SLC14A2: variants seen among roughly 807,000 people sequenced by gnomAD.
SLC14A2 encodes the protein urea transporter 2.
In SLC14A2, 91 loss-of-function variants were observed where a neutral mutation model predicts 104.6. The ratio of observed to expected loss-of-function variants is 0.87; its 90% CI spans 0.73 to 1.04. SLC14A2 has a LOEUF of 1.04. Ranked by LOEUF, SLC14A2 falls within the 50% of genes least tolerant of loss-of-function variation. The pLI is 0.00. For missense variants in SLC14A2, 1,189 were observed against 1,156.0 expected (o/e 1.03, Z -0.41); for synonymous variants, 476 against 466.4 (o/e 1.02, Z -0.27).
At chr18:45,458,379 T>G (rs2086982586) in intron 1 of SLC14A2, among the ~76,000 whole-genome samples, 1 of 152,162 alleles carries the variant, frequency 6.6e-6, no homozygotes, top group Non-Finnish European at 1.5e-5. Flanking sequence ...AAAGGGAAAC[T>G]GGCATCACAG....
chr18:45,343,785 A>G (rs1392687262), intron 1 of SLC14A2, among the ~76,000 whole-genome samples: 1 of 152,168 alleles, frequency 6.6e-6, no homozygotes, highest in African/African-American at 2.4e-5. Context: ...GGCCTTAGAA[A>G]TTGCAGGCAC....
At chr18:45,285,087 T>C (rs1442761734) in intron 1 of SLC14A2, among the ~76,000 whole-genome samples, 1 of 152,164 alleles carries the variant, frequency 6.6e-6, no homozygotes, top group Non-Finnish European at 1.5e-5. Flanking sequence ...CTGACCTAGC[T>C]TCCTCTAACA....
chr18:45,456,721 G>A (rs1357413932), intron 1 of SLC14A2, among the ~76,000 whole-genome samples: 2 of 150,420 alleles, frequency 1.3e-5, no homozygotes, highest in Non-Finnish European at 2.9e-5. Flanking sequence ...TTGAGAGAGT[G>A]GTGTTTTTTT....
At chr18:45,289,246 T>C (rs931959049) in intron 1 of SLC14A2, among the ~76,000 whole-genome samples, 1 of 152,126 alleles carries the variant, frequency 6.6e-6, no homozygotes, top group Non-Finnish European at 1.5e-5. Context: ...TTTTTTACCA[T>C]TTTATTTTAG....
chr18:45,682,547 A>G lies in SLC14A2; in HGVS notation c.*28A>G, dbSNP rs1275858840. On this transcript the variant is annotated 3_prime_UTR_variant, in exon 20 of 20. Coordinates refer to ENST00000255226, the MANE Select transcript of SLC14A2 (RefSeq NM_007163.4). The stretch of plus-strand genomic sequence containing the variant: ...TTCCCTGTCTAAAACACATCAGTGT[A>G]AATTCAGGCTTCAGCACGCCGTCCA... 1 of 1,589,852 alleles carries G rather than the reference A, an allele frequency of 6.3e-7. No individual in the cohort carries two copies. Among genetic ancestry groups the G allele is most frequent in the Admixed American group, 1.7e-5 (1 of 60,016 alleles).
chr18:45,652,987 T>C (rs1279156268), intron 10 of SLC14A2, among the ~76,000 whole-genome samples: 1 of 151,858 alleles, frequency 6.6e-6, no homozygotes, highest in Non-Finnish European at 1.5e-5. Context: ...CTGTTATGTC[T>C]GGAATAGGTG....
At chr18:45,594,966 C>T (rs1025696021) in intron 2 of SLC14A2, among the ~76,000 whole-genome samples, 1 of 152,162 alleles carries the variant, frequency 6.6e-6, no homozygotes, top group Non-Finnish European at 1.5e-5. Flanking sequence ...ACTTCATCCC[C>T]TTCAGAAATG....
chr18:45,381,953 A>G (rs994957341), intron 1 of SLC14A2, among the ~76,000 whole-genome samples: 16 of 152,116 alleles, frequency 1.1e-4, no homozygotes, highest in African/African-American at 3.9e-4. Context: ...CTGGGCTGAA[A>G]AACTACAACT....
chr18:45,626,656 C>T (rs574252324), intron 3 of SLC14A2, among the ~76,000 whole-genome samples: 3 of 151,700 alleles, frequency 2.0e-5, no homozygotes, highest in Admixed American at 6.6e-5. Context: ...GGAATGCTCC[C>T]GGGGCTTCTT....
intron 1 of SLC14A2, among the ~76,000 whole-genome samples, chr18:45,378,320 G>T (rs1471059595): frequency 6.6e-6 from 1 of 152,152 alleles, no homozygotes; most frequent in Non-Finnish European, 1.5e-5. Flanking sequence ...TTTTATTGAG[G>T]TCTCCAGAGT....
At chr18:45,625,904 G>A (rs377720046) in intron 3 of SLC14A2, 41 bp downstream of exon 3, 47 of 1,362,918 alleles carry the variant, frequency 3.4e-5, no homozygotes, top group Admixed American at 3.5e-5. Context: ...GACCAGGCCA[G>A]GCCAGAGAGA....
intron 1 of SLC14A2, among the ~76,000 whole-genome samples, chr18:45,221,379 G>A (rs2084060504): frequency 6.6e-6 from 1 of 152,152 alleles, no homozygotes; most frequent in African/African-American, 2.4e-5. Flanking sequence ...AAAAATCCAG[G>A]GGAAAGCCTC....
chr18:45,625,970 T>A (rs1280033278), intron 3 of SLC14A2, 107 bp downstream of exon 3: 3 of 844,764 alleles, frequency 3.6e-6, no homozygotes, highest in Non-Finnish European at 5.0e-6. Flanking sequence ...ACCCTCACCC[T>A]GGGTGGATCT....
chr18:45,209,297 C>G (rs1404094428), upstream of SLC14A2, among the ~76,000 whole-genome samples: 1 of 150,454 alleles, frequency 6.6e-6, no homozygotes, highest in African/African-American at 2.5e-5. Flanking sequence ...GAGCCGAGAT[C>G]ACACCCCTCC....
At chr18:45,463,827 G>C (rs933995754) in intron 1 of SLC14A2, among the ~76,000 whole-genome samples, 1 of 152,142 alleles carries the variant, frequency 6.6e-6, no homozygotes, top group Non-Finnish European at 1.5e-5. Flanking sequence ...TTGGCAAAAG[G>C]CTCGTTGAAC....
intron 1 of SLC14A2, among the ~76,000 whole-genome samples, chr18:45,616,625 G>C (rs1366842421): frequency 1.3e-5 from 2 of 152,216 alleles, no homozygotes; most frequent in Non-Finnish European, 1.5e-5. Flanking sequence ...ACCTGCGTTG[G>C]GGAGGGCCTG....
intron 10 of SLC14A2, among the ~76,000 whole-genome samples, chr18:45,654,281 AGG>A (rs1358030010): frequency 2.6e-5 from 4 of 150,956 alleles, no homozygotes; most frequent in African/African-American, 9.8e-5. Context: ...AGTCAGACAG[AGG>A]ATGAGCTGGA....
intron 1 of SLC14A2, among the ~76,000 whole-genome samples, chr18:45,479,841 C>A (rs1283285684): frequency 1.3e-5 from 2 of 152,170 alleles, no homozygotes; most frequent in East Asian, 3.8e-4. Flanking sequence ...GCCTCTGAGC[C>A]CCCAAAGGTC....
intron 1 of SLC14A2, among the ~76,000 whole-genome samples, chr18:45,252,792 C>CT (rs745363624): frequency 0.043 from 5,492 of 126,886 alleles, 203 homozygotes; most frequent in Middle Eastern, 0.099. Context: ...GCAATATTGA[C>CT]TTTTTTTTTT....
Sources: allele counts gnomAD v4.1 joint callset (sites outside exome capture counted in the v4.1 genomes callset), GRCh38; gene constraint gnomAD v4.1.1; transcripts MANE v1.5; gene names NCBI Gene and HGNC (gene_info 2026-07-23, HGNC 2026-07-21).